Variants in KCTD16 observed in about 807,000 individuals in gnomAD.
KCTD16 encodes the protein potassium channel tetramerization domain containing 16.
Under a neutral mutation model 33.2 loss-of-function variants are expected in KCTD16, and 13 were observed. The observed-to-expected ratio is 0.39, with a 90% CI of 0.25 to 0.62. The LOEUF is 0.62. KCTD16 is among the 20% of genes least tolerant of loss of function. The pLI is 0.50. For synonymous variants in KCTD16, 197 were observed against 195.3 expected (o/e 1.01, Z -0.07); for missense variants, 441 against 525.1 (o/e 0.84, Z 1.57).
intron 3 of KCTD16, among the ~76,000 whole-genome samples, chr5:144,373,480 G>A (rs978659871): frequency 2.0e-5 from 3 of 152,154 alleles, no homozygotes; most frequent in Non-Finnish European, 4.4e-5. Context: ...GACTAATCCA[G>A]TATTGGAGAA....
chr5:144,243,474 T>C (rs1277697770), intron 3 of KCTD16, among the ~76,000 whole-genome samples: 1 of 152,188 alleles, frequency 6.6e-6, no homozygotes, highest in East Asian at 1.9e-4. Context: ...GGATCCCATG[T>C]GTATTTGTTT....
At chr5:144,262,838 G>A (rs1405825396) in intron 3 of KCTD16, among the ~76,000 whole-genome samples, 1 of 152,116 alleles carries the variant, frequency 6.6e-6, no homozygotes, top group African/African-American at 2.4e-5. Context: ...TTGTCTTCAA[G>A]TGGTTCCCTT....
chr5:144,259,858 C>A (rs1319821860), intron 3 of KCTD16, among the ~76,000 whole-genome samples: 7 of 152,170 alleles, frequency 4.6e-5, no homozygotes, highest in Admixed American at 4.6e-4. Flanking sequence ...TAAACATTTT[C>A]TTTATAGTAC....
At chr5:144,335,480 C>T (rs1425826018) in intron 3 of KCTD16, among the ~76,000 whole-genome samples, 1 of 152,052 alleles carries the variant, frequency 6.6e-6, no homozygotes, top group African/African-American at 2.4e-5. Flanking sequence ...GAGAAAGATG[C>T]AAGGGGTAGA....
intron 3 of KCTD16, among the ~76,000 whole-genome samples, chr5:144,329,480 A>G (rs772767213): frequency 1.3e-5 from 2 of 152,160 alleles, no homozygotes; most frequent in Non-Finnish European, 2.9e-5. Context: ...GTGCTAAAAG[A>G]TGACTCTTGT....
At chr5:144,238,080 T>G (rs934239387) in intron 3 of KCTD16, among the ~76,000 whole-genome samples, 1 of 152,120 alleles carries the variant, frequency 6.6e-6, no homozygotes, top group African/African-American at 2.4e-5. Flanking sequence ...TCTGCCAACT[T>G]TATGAAAAAC....
intron 3 of KCTD16, among the ~76,000 whole-genome samples, chr5:144,288,639 T>G (rs985558231): frequency 1.3e-5 from 2 of 152,208 alleles, no homozygotes; most frequent in African/African-American, 4.8e-5. Flanking sequence ...TACATTCCTC[T>G]TTTATTTCTG....
intron 3 of KCTD16, among the ~76,000 whole-genome samples, chr5:144,326,371 G>A (rs1191032145): frequency 6.6e-6 from 1 of 152,076 alleles, no homozygotes; most frequent in Non-Finnish European, 1.5e-5. Flanking sequence ...TTATCTCATC[G>A]AGGAACAAAT....
At chr5:144,435,474 T>C (rs1753555262) in intron 3 of KCTD16, among the ~76,000 whole-genome samples, 1 of 152,232 alleles carries the variant, frequency 6.6e-6, no homozygotes, top group South Asian at 2.1e-4. Flanking sequence ...TTTCAAAGTA[T>C]GTTTTATATT....
intron 3 of KCTD16, among the ~76,000 whole-genome samples, chr5:144,267,864 T>G (rs1755189297): frequency 6.6e-6 from 1 of 152,160 alleles, no homozygotes; most frequent in African/African-American, 2.4e-5. Context: ...ATCTGAAGGC[T>G]TCCACAGGGA....
At chr5:144,205,205 G>C (rs1753133281) in intron 2 of KCTD16, 1 of 237,518 alleles carries the variant, frequency 4.2e-6, no homozygotes, top group African/African-American at 2.2e-5. Flanking sequence ...CCCGCCCCAA[G>C]CCCCGCGCGC....
chr5:144,364,707 C>A (rs1486071875), intron 3 of KCTD16, among the ~76,000 whole-genome samples: 1 of 152,128 alleles, frequency 6.6e-6, no homozygotes, highest in Admixed American at 6.6e-5. Flanking sequence ...AAAGTAGTAA[C>A]CAATAATGTG....
intron 3 of KCTD16, among the ~76,000 whole-genome samples, chr5:144,319,155 A>G (rs1752007262): frequency 6.6e-6 from 1 of 152,082 alleles, no homozygotes; most frequent in Non-Finnish European, 1.5e-5. Context: ...ATTTTGTTAT[A>G]TGGTTGTTTT....
chr5:144,348,872 A>G (rs1046204251), intron 3 of KCTD16, among the ~76,000 whole-genome samples: 1 of 152,124 alleles, frequency 6.6e-6, no homozygotes, highest in Non-Finnish European at 1.5e-5. Context: ...CTTGACTAAT[A>G]CCTACCAGCC....
At chr5:144,406,778 G>A (rs1275245745) in intron 3 of KCTD16, among the ~76,000 whole-genome samples, 2 of 152,164 alleles carry the variant, frequency 1.3e-5, no homozygotes, top group Admixed American at 1.3e-4. Context: ...TCAGACAGTG[G>A]AGATTCCAAC....
intron 3 of KCTD16, among the ~76,000 whole-genome samples, chr5:144,394,915 A>C (rs1431909076): frequency 6.6e-6 from 1 of 152,220 alleles, no homozygotes; most frequent in Non-Finnish European, 1.5e-5. Context: ...TTAGTACACC[A>C]AATAACACTA....
intron 3 of KCTD16, among the ~76,000 whole-genome samples, chr5:144,224,383 GTT>G (rs530446253): frequency 0.016 from 1,582 of 100,340 alleles, 19 homozygotes; most frequent in African/African-American, 0.05. Context: ...AATATAATGT[GTT>G]TTTTTTTTTT....
rs570745981 is a variant in KCTD16, at chr5:144,388,486, A to C, written c.833-85174A>C. Among the ~76,000 whole-genome samples, 11 of 152,184 alleles carry C rather than the reference A, an allele frequency of 7.2e-5. No homozygotes were observed. In the South Asian group the frequency reaches 2.3e-3, roughly 32 times the overall value. On this transcript the variant is annotated intron_variant, in intron 3 of 3. Coordinates refer to ENST00000512467, the MANE Select transcript of KCTD16 (RefSeq NM_020768.4). ...CTCTGAATATTGTCTTGAATGTAAC[A>C]CTGTTCATGAACTTTTATCTTCAAT...
chr5:144,382,126 T>C (rs1752229705), intron 3 of KCTD16, among the ~76,000 whole-genome samples: 1 of 152,196 alleles, frequency 6.6e-6, no homozygotes, highest in East Asian at 1.9e-4. Context: ...GCCATTATGC[T>C]AAGTAAATTA....
Sources: gnomAD v4.1 joint callset for allele counts (sites outside exome capture counted in the v4.1 genomes callset) on GRCh38, gnomAD v4.1.1 for gene constraint, MANE v1.5 for transcripts, NCBI Gene and HGNC (gene_info 2026-07-23, HGNC 2026-07-21) for gene names.